Variants in MEGF11 observed in about 807,000 individuals in gnomAD.
MEGF11 encodes the protein multiple epidermal growth factor-like domains protein 11.
In MEGF11, 126 loss-of-function variants were observed where a neutral mutation model predicts 146.6. The ratio of observed to expected loss-of-function variants is 0.86; its 90% CI spans 0.74 to 1.00. The LOEUF (loss-of-function observed/expected upper bound fraction) is 1.00, where lower values mean the gene tolerates loss of function less well. Ranked by LOEUF, MEGF11 falls within the 50% of genes least tolerant of loss-of-function variation. MEGF11 has a pLI of 0.00. For missense variants in MEGF11, 1,509 were observed against 1,521.2 expected (o/e 0.99, Z 0.13); for synonymous variants, 532 against 583.4 (o/e 0.91, Z 1.27).
chr15:66,027,411 G>A (rs2083370859), intron 5 of MEGF11, among the ~76,000 whole-genome samples: 1 of 152,354 alleles, frequency 6.6e-6, no homozygotes, highest in Admixed American at 6.5e-5. Flanking sequence ...CTCACAGACA[G>A]GGGCCTATGA....
chr15:65,970,512 G>C lies in MEGF11; in HGVS notation c.899+41C>G, dbSNP rs749104733. The C allele has an allele frequency of 1.9e-6, 3 of 1,598,438 alleles. No individual in the cohort carries two copies. In the South Asian group the frequency reaches 3.3e-5, roughly 18 times the overall value. ...CTCTGCAAGTCTCCTATGAATATGA[G>C]TAAAATGGACAGCAAAGATAACAGT... On this transcript the variant is annotated intron_variant, in intron 8 of 25. Coordinates refer to ENST00000395614, the MANE Select transcript of MEGF11 (RefSeq NM_001385028.1).
At chr15:65,923,286 T>C (rs756473423) in intron 13 of MEGF11, among the ~76,000 whole-genome samples, 1 of 151,994 alleles carries the variant, frequency 6.6e-6, no homozygotes, top group Non-Finnish European at 1.5e-5. Flanking sequence ...AAGTGCAAAA[T>C]GGGGTACGGC....
At chr15:65,909,229 G>T in intron 22 of MEGF11, 94 bp from the exon 23 acceptor site, 1 of 887,132 alleles carries the variant, frequency 1.1e-6, no homozygotes, top group Non-Finnish European at 1.8e-6. Flanking sequence ...GCCAGGGTCA[G>T]GGTGAGGCAG....
At chr15:66,000,513 CAG>C (rs1055928858) in intron 5 of MEGF11, among the ~76,000 whole-genome samples, 3 of 151,174 alleles carry the variant, frequency 2.0e-5, no homozygotes, top group African/African-American at 7.3e-5. Context: ...GCCTGGGTGA[CAG>C]AGAGAGAACT....
intron 1 of MEGF11, among the ~76,000 whole-genome samples, chr15:66,176,250 G>A (rs2090386132): frequency 6.6e-6 from 1 of 152,184 alleles, no homozygotes; most frequent in South Asian, 2.1e-4. Context: ...ACAGTATGGA[G>A]GTTTCTCAAA....
intron 1 of MEGF11, among the ~76,000 whole-genome samples, chr15:66,225,527 C>A (rs763058580): frequency 6.6e-5 from 10 of 152,320 alleles, no homozygotes; most frequent in Admixed American, 1.3e-4. Flanking sequence ...CCTAATGATG[C>A]CCTTTGGAGG....
intron 1 of MEGF11, among the ~76,000 whole-genome samples, chr15:66,203,021 C>A (rs1322350175): frequency 6.6e-6 from 1 of 152,190 alleles, no homozygotes; most frequent in African/African-American, 2.4e-5. Flanking sequence ...GAAAGCTCTA[C>A]ACAGAACAGC....
At chr15:65,941,867 C>T (rs2080004345) in intron 10 of MEGF11, among the ~76,000 whole-genome samples, 1 of 152,248 alleles carries the variant, frequency 6.6e-6, no homozygotes, top group African/African-American at 2.4e-5. Flanking sequence ...TTCACCCCTC[C>T]AGACAGGGCT....
chr15:66,096,268 C>A (rs2086549009), intron 4 of MEGF11, among the ~76,000 whole-genome samples: 1 of 152,248 alleles, frequency 6.6e-6, no homozygotes, highest in African/African-American at 2.4e-5. Flanking sequence ...AGAGCAGGAC[C>A]TTGATCCCTG....
chr15:65,938,923 C>T lies in MEGF11; in HGVS notation c.1288-7980G>A, dbSNP rs187948045. On this transcript the variant is annotated intron_variant, in intron 10 of 25. Coordinates refer to ENST00000395614, the MANE Select transcript of MEGF11 (RefSeq NM_001385028.1). ...TGCAATATGCTGCTTTGTAGTTTGG[C>T]CCTGTTTGGGAAAATTAATCAACAG... Among the ~76,000 whole-genome samples, 22 of 152,298 alleles carry T rather than the reference C, an allele frequency of 1.4e-4. No homozygotes were observed. In the East Asian group the frequency reaches 3.7e-3, roughly 25 times the overall value.
rs1364154022 is a variant in MEGF11, at chr15:65,928,476, C to T, written c.1624G>A (p.Asp542Asn). Residue 542 changes from aspartate (D) to asparagine (N), a missense_variant, in exon 13 of 26, where the codon GAT becomes AAT. Asp to Asn is a conservative substitution (Grantham distance 23, BLOSUM62 1). Coordinates refer to ENST00000395614, the MANE Select transcript of MEGF11 (RefSeq NM_001385028.1). ...TGGCCTGTGACGGGGTCACATCCATCAGCATGGCTGCAGTCACAGTGTTCA... is the reference window on the plus strand; with the variant it reads ...TGGCCTGTGACGGGGTCACATCCATTAGCATGGCTGCAGTCACAGTGTTCA... ...CSEHCDCSHA[D>N]GCDPVTGHCC... is the part of the protein sequence containing the mutation. 6.2e-7 allele frequency: 1 copy of T among 1,605,734 alleles called. No individual in the cohort carries two copies. The highest frequency in any genetic ancestry group is 1.1e-5 in the South Asian group (1 of 89,174).
chr15:66,126,779 C>T (rs191810119), intron 2 of MEGF11, among the ~76,000 whole-genome samples: 7 of 152,306 alleles, frequency 4.6e-5, no homozygotes, highest in African/African-American at 1.4e-4. Flanking sequence ...GGGCTCTTCC[C>T]GATACCTCTC....
intron 1 of MEGF11, among the ~76,000 whole-genome samples, chr15:66,218,973 C>A: frequency 1.2e-4 from 3 of 25,850 alleles, no homozygotes; most frequent in Non-Finnish European, 1.7e-4. Context: ...ACTGGATATC[C>A]ACAGGCAAAA....
At position 65,958,429 on chromosome 15, in the gene MEGF11, CCAATG is replaced by C. The variant is rs58908763; in HGVS notation, c.1113-713_1113-709del. ...AGCTGGCAGCCATCTGATCCAATAG[CCAATG>C]TCTATTCATGATCAGCGGGATGCCA... is the stretch of plus-strand genomic sequence containing the variant. On this transcript the variant is annotated intron_variant, in intron 9 of 25. Coordinates refer to ENST00000395614, the MANE Select transcript of MEGF11 (RefSeq NM_001385028.1). Among the ~76,000 whole-genome samples, 1,419 of 152,328 alleles carry C rather than the reference CCAATG, an allele frequency of 9.3e-3. 21 individuals carry two copies. Among genetic ancestry groups the C allele is most frequent in the African/African-American group, 0.03 (1,264 of 41,554 alleles).
Position 66,162,879 on chromosome 15 carries a change from T to G in MEGF11, c.-8-34468A>C, listed in dbSNP as rs145779295. Reference sequence around the variant, plus strand: ...AGAAAAAAAAGAAATCTAATTGAATTACTTCTCAGGTGGAGGTTAAGTTCA... The same window carrying G: ...AGAAAAAAAAGAAATCTAATTGAATGACTTCTCAGGTGGAGGTTAAGTTCA... On this transcript the variant is annotated intron_variant, in intron 1 of 25. Transcript: ENST00000395614. Among the ~76,000 whole-genome samples the G allele has an allele frequency of 6.3e-3, 962 of 152,334 alleles. 11 individuals are homozygous for G. Among genetic ancestry groups the G allele is most frequent in the African/African-American group, 0.022 (915 of 41,572 alleles).
At chr15:66,017,143 G>C (rs1161886272) in intron 5 of MEGF11, among the ~76,000 whole-genome samples, 1 of 152,196 alleles carries the variant, frequency 6.6e-6, no homozygotes, top group African/African-American at 2.4e-5. Context: ...GACGGAGGAG[G>C]GGGAAGCCAC....
intron 1 of MEGF11, among the ~76,000 whole-genome samples, chr15:66,218,100 T>C (rs186718054): frequency 3.3e-5 from 5 of 152,316 alleles, no homozygotes; most frequent in African/African-American, 1.2e-4. Flanking sequence ...AGGAAAGAGA[T>C]ACTTTTATTG....
At chr15:66,027,221 A>C (rs897435875) in intron 5 of MEGF11, among the ~76,000 whole-genome samples, 1 of 152,210 alleles carries the variant, frequency 6.6e-6, no homozygotes, top group Non-Finnish European at 1.5e-5. Context: ...CAGCACACAA[A>C]GACTCAGAAG....
Position 65,916,961 on chromosome 15 carries a change from G to A in MEGF11, c.2087-5C>T, listed in dbSNP as rs1175761575. 3 of 1,500,568 alleles carry A rather than the reference G, an allele frequency of 2.0e-6. No homozygotes were observed. The African/African-American group carries it at 4.2e-5, about 21-fold the overall frequency. 93.0% of individuals were successfully genotyped at this position (1,500,568 alleles called of 1,614,324 possible). A position where few individuals can be genotyped will look rare whatever the true frequency, so the allele number is the denominator to read the frequency against. ...CCCAGAACCCGGGTGGGCAAGCTGG[G>A]ATGTCGGTGAAATGCAGAGGGTGAG... On this transcript the variant is annotated splice_region_variant and splice_polypyrimidine_tract_variant and intron_variant, in intron 16 of 25. Coordinates refer to ENST00000395614, the MANE Select transcript of MEGF11 (RefSeq NM_001385028.1).
Sources: gnomAD v4.1 joint callset for allele counts (sites outside exome capture counted in the v4.1 genomes callset) on GRCh38, gnomAD v4.1.1 for gene constraint, MANE v1.5 for transcripts, NCBI Gene and HGNC (gene_info 2026-07-23, HGNC 2026-07-21) for gene names.